Variants in FHIP1A observed in about 807,000 individuals in gnomAD.
The protein encoded by FHIP1A is FHF complex subunit HOOK interacting protein 1A.
A neutral mutation model predicts 88.6 loss-of-function variants in FHIP1A; 61 were observed. The observed-to-expected ratio is 0.69, with a 90% CI of 0.56 to 0.85. FHIP1A has a LOEUF of 0.85. Ranked by LOEUF, FHIP1A falls within the 40% of genes least tolerant of loss-of-function variation. The pLI is 0.00. For synonymous variants in FHIP1A, 478 were observed against 496.0 expected, an observed-to-expected ratio of 0.96 and a Z score of 0.48; for missense variants, 1,154 against 1,273.5, an observed-to-expected ratio of 0.91 and a Z score of 1.43.
At chr4:151,564,690 AAC>A (rs368232067) in intron 3 of FHIP1A, among the ~76,000 whole-genome samples, 1 of 152,336 alleles carries the variant, frequency 6.6e-6, no homozygotes, top group African/African-American at 2.4e-5. Context: ...CTGTAGAAGA[AAC>A]ACACAGGCAG....
chr4:151,505,038 G>A (rs1730784457), intron 3 of FHIP1A, among the ~76,000 whole-genome samples: 1 of 152,086 alleles, frequency 6.6e-6, no homozygotes, highest in Non-Finnish European at 1.5e-5. Flanking sequence ...GTGTCTCCTT[G>A]CTTCCCTTTC....
chr4:151,542,096 C>CT (rs1732316828), intron 3 of FHIP1A, among the ~76,000 whole-genome samples: 1 of 151,666 alleles, frequency 6.6e-6, no homozygotes, highest in Non-Finnish European at 1.5e-5. Flanking sequence ...TCTTTTTTTT[C>CT]TTTTTTGCCC....
intron 1 of FHIP1A, among the ~76,000 whole-genome samples, chr4:151,428,568 A>C (rs1419359780): frequency 6.6e-6 from 1 of 152,098 alleles, no homozygotes; most frequent in Non-Finnish European, 1.5e-5. Context: ...AGATTTCATC[A>C]TGTCATTCTC....
chr4:151,577,637 T>C lies in FHIP1A; in HGVS notation c.293T>C (p.Met98Thr). ...ILEFVVSENIMEKLFLWSLRR... is the reference protein window; with the variant it reads ...ILEFVVSENITEKLFLWSLRR... Reference sequence around the variant, plus strand: ...GAATTTGTGGTCTCTGAGAACATCATGGAGAAACTTTTCCTTTGGAGCTTG... The same window carrying C: ...GAATTTGTGGTCTCTGAGAACATCACGGAGAAACTTTTCCTTTGGAGCTTG... The change falls in exon 5 of 14, where the codon ATG (methionine) becomes ACG (threonine). Residue 98 changes from methionine to threonine, a missense_variant. By Grantham distance (81) the Met-to-Thr change is moderately conservative. Coordinates refer to ENST00000435205, the MANE Select transcript of FHIP1A (RefSeq NM_001109977.3). 1.3e-6 allele frequency: 2 copies of C among 1,551,816 alleles called. No homozygotes were observed. Among genetic ancestry groups the C allele is most frequent in the Non-Finnish European group, 1.7e-6 (2 of 1,146,986 alleles).
At chr4:151,503,238 C>T (rs1730714077) in intron 3 of FHIP1A, among the ~76,000 whole-genome samples, 1 of 152,138 alleles carries the variant, frequency 6.6e-6, no homozygotes, top group African/African-American at 2.4e-5. Flanking sequence ...GAGAACTTGG[C>T]ATGAATGGCA....
chr4:151,665,474 G>T lies in FHIP1A; in HGVS notation c.*2720G>T, dbSNP rs1737626041. On this transcript the variant is annotated 3_prime_UTR_variant, in exon 14 of 14. Transcript: ENST00000435205. ...GTTTTTGTCCATGGTTTTGCAAAATGAAGTCAGAAAATGGAGCTGGATGTA... is the reference window on the plus strand; with the variant it reads ...GTTTTTGTCCATGGTTTTGCAAAATTAAGTCAGAAAATGGAGCTGGATGTA... 1.3e-5 allele frequency among the ~76,000 whole-genome samples: 2 copies of T among 152,242 alleles called. No homozygotes were observed. Among genetic ancestry groups the T allele is most frequent in the Admixed American group, 1.3e-4 (2 of 15,288 alleles).
At position 151,538,980 on chromosome 4, in the gene FHIP1A, T is replaced by C. The variant is rs75613245; in HGVS notation, c.-122-27158T>C. Among the ~76,000 whole-genome samples, 1,284 of 152,336 alleles carry C rather than the reference T, an allele frequency of 8.4e-3. 20 individuals carry two copies. The highest frequency in any genetic ancestry group is 0.03 in the African/African-American group (1,244 of 41,578). ...TTGCAAATCTCTTTGTCAATTTTCT[T>C]GTAAGTGTGCTGCTCAAGGCCAGTA... On this transcript the variant is annotated intron_variant, in intron 3 of 13. Transcript: ENST00000435205.
chr4:151,559,118 T>G (rs1733070504), intron 3 of FHIP1A, among the ~76,000 whole-genome samples: 1 of 152,128 alleles, frequency 6.6e-6, no homozygotes, highest in Admixed American at 6.6e-5. Context: ...TATGATGGAG[T>G]CAAATAGCAT....
At chr4:151,573,998 TC>T (rs1286002894) in intron 4 of FHIP1A, among the ~76,000 whole-genome samples, 3 of 152,184 alleles carry the variant, frequency 2.0e-5, no homozygotes, top group Admixed American at 2.0e-4. Context: ...TCTTAGGCAT[TC>T]CCTGCCAACA....
chr4:151,500,669 C>T (rs2126661867), intron 3 of FHIP1A, among the ~76,000 whole-genome samples: 1 of 152,186 alleles, frequency 6.6e-6, no homozygotes, highest in African/African-American at 2.4e-5. Flanking sequence ...GCTATTGAAG[C>T]CTAAGGTACT....
At chr4:151,479,734 T>G (rs1332974711) in intron 2 of FHIP1A, among the ~76,000 whole-genome samples, 2 of 152,030 alleles carry the variant, frequency 1.3e-5, no homozygotes, top group Non-Finnish European at 2.9e-5. Flanking sequence ...GGATATTAAT[T>G]CTCTCTCCCC....
In FHIP1A at chr4:151,577,692, T is replaced by C; in HGVS notation, c.348T>C (p.Ile116=). ...GGGAGTTTACTGATGAGACTAAAAT[T>C]GAGCAGCTAAAGATGTATGAGATGT... ...LRREFTDETK[I]EQLKMYEMLV... Residue 116 remains isoleucine (I), a synonymous_variant, in exon 5 of 14, where the codon ATT becomes ATC. Coordinates refer to ENST00000435205, the MANE Select transcript of FHIP1A (RefSeq NM_001109977.3). 1.3e-6 allele frequency: 2 copies of C among 1,551,632 alleles called. No homozygotes were observed. The highest frequency in any genetic ancestry group is 1.7e-6 in the Non-Finnish European group (2 of 1,146,946).
intron 1 of FHIP1A, among the ~76,000 whole-genome samples, chr4:151,414,611 C>T (rs899796455): frequency 1.3e-5 from 2 of 152,108 alleles, no homozygotes; most frequent in Non-Finnish European, 2.9e-5. Context: ...AACTTTTATT[C>T]TCAGAAGGCA....
chr4:151,544,292 T>C (rs148849274), intron 3 of FHIP1A, among the ~76,000 whole-genome samples: 2 of 152,348 alleles, frequency 1.3e-5, no homozygotes, highest in African/African-American at 4.8e-5. Context: ...TTGTTTTCAC[T>C]ATGTCACATT....
At chr4:151,498,794 C>T (rs909602927) in intron 3 of FHIP1A, among the ~76,000 whole-genome samples, 9 of 152,060 alleles carry the variant, frequency 5.9e-5, no homozygotes, top group South Asian at 4.1e-4. Context: ...CCAGCCTGGG[C>T]GACAGAGTGA....
intron 4 of FHIP1A, among the ~76,000 whole-genome samples, chr4:151,572,749 T>C (rs1198011993): frequency 6.6e-6 from 1 of 152,236 alleles, no homozygotes; most frequent in African/African-American, 2.4e-5. Flanking sequence ...TATGACTTTC[T>C]TAAAATAACT....
At position 151,464,023 on chromosome 4, in the gene FHIP1A, T is replaced by C. The variant is rs376932782; in HGVS notation, c.-248+9215T>C. On this transcript the variant is annotated intron_variant, in intron 2 of 13. Coordinates refer to ENST00000435205, the MANE Select transcript of FHIP1A (RefSeq NM_001109977.3). ...CCTTCTGTCAGCCTCCTTAGCCAGT[T>C]TGATATTTTTATTGTTTATTTACTT... Among the ~76,000 whole-genome samples the C allele has an allele frequency of 2.7e-4, 41 of 152,202 alleles. No individual in the cohort carries two copies. In the South Asian group the frequency reaches 8.3e-3, roughly 31 times the overall value.
At chr4:151,415,114 G>A (rs1280143672) in intron 1 of FHIP1A, among the ~76,000 whole-genome samples, 1 of 151,212 alleles carries the variant, frequency 6.6e-6, no homozygotes, top group East Asian at 1.9e-4. Context: ...GACCATACAT[G>A]CACATCATTC....
intron 1 of FHIP1A, 103 bp downstream of exon 1, chr4:151,409,568 A>G (rs574407534): frequency 1.4e-3 from 211 of 152,620 alleles, no homozygotes; most frequent in Non-Finnish European, 2.3e-3. Context: ...GCATCCGCCA[A>G]CTGGGCAGGG....
Sources: allele counts gnomAD v4.1 joint callset (sites outside exome capture counted in the v4.1 genomes callset), GRCh38; gene constraint gnomAD v4.1.1; transcripts MANE v1.5; gene names NCBI Gene and HGNC (gene_info 2026-07-23, HGNC 2026-07-21).